The following GLYR1 variants were observed in gnomAD, a reference collection of about 807,000 sequenced individuals.
GLYR1 encodes the protein glyoxylate reductase 1 homolog.
Under a neutral mutation model 72.7 loss-of-function variants are expected in GLYR1, and 21 were observed. The observed-to-expected ratio is 0.29, with a 90% CI of 0.20 to 0.42. The LOEUF (loss-of-function observed/expected upper bound fraction) is 0.42, where lower values mean the gene tolerates loss of function less well. Among genes scored for constraint, GLYR1 ranks in the 10% least tolerant of loss-of-function variants. The pLI is 1.00. For synonymous variants in GLYR1, 392 were observed against 270.2 expected, an observed-to-expected ratio of 1.45 and a Z score of -4.42; for missense variants, 594 against 712.1, an observed-to-expected ratio of 0.83 and a Z score of 1.89.
chr16:4,846,445 A>G (rs866418489), intron 1 of GLYR1, among the ~76,000 whole-genome samples: 1 of 152,260 alleles, frequency 6.6e-6, no homozygotes, highest in Admixed American at 6.5e-5. Flanking sequence ...CACAACTGTC[A>G]AAAGTCACTT....
At chr16:4,808,406 G>A (rs373933539) in intron 15 of GLYR1, among the ~76,000 whole-genome samples, 43 of 152,164 alleles carry the variant, frequency 2.8e-4, no homozygotes, top group African/African-American at 1.0e-3. Context: ...AGACCAACCT[G>A]GCCAACATGG....
chr16:4,846,107 G>C (rs1289695214), intron 2 of GLYR1, 67 bp downstream of exon 2: 1 of 1,511,546 alleles, frequency 6.6e-7, no homozygotes, highest in Non-Finnish European at 9.2e-7. Flanking sequence ...TGAGAGGAAT[G>C]CATCTTACAT....
In GLYR1 at chr16:4,803,639, A is replaced by C. The variant is rs1244954216; in HGVS notation, c.*1597T>G. 1.3e-5 allele frequency: 2 copies of C among 151,874 alleles called. No individual in the cohort carries two copies. Among genetic ancestry groups the C allele is most frequent in the Admixed American group, 1.3e-4 (2 of 15,206 alleles). The allele number at this position is 151,874 out of a possible 1,614,324, so 9.4% of individuals were successfully genotyped here. On this transcript the variant is annotated 3_prime_UTR_variant, in exon 16 of 16. Coordinates refer to ENST00000321919, the MANE Select transcript of GLYR1 (RefSeq NM_032569.4). Reference sequence around the variant, plus strand: ...TTTGTGTTCAGACAGAAATGCTTCAAAATCCCAGTGAAATGAACTGTGCTA... The same window carrying C: ...TTTGTGTTCAGACAGAAATGCTTCACAATCCCAGTGAAATGAACTGTGCTA...
At position 4,812,303 on chromosome 16, in the gene GLYR1, G is replaced by A. The variant is rs147347058; in HGVS notation, c.1120-55C>T. 2,304 of 1,568,092 alleles carry A rather than the reference G, an allele frequency of 1.5e-3. 8 individuals are homozygous for A. The highest frequency in any genetic ancestry group is 1.8e-3 in the Non-Finnish European group (2,071 of 1,161,992). ...CCTCCCCTCTCCCAGCGCTCTCTGG[G>A]CAGGACTCAAGGAGTGTTGCTGAGT... On this transcript the variant is annotated intron_variant, in intron 12 of 15. Transcript: ENST00000321919.
intron 3 of GLYR1, among the ~76,000 whole-genome samples, chr16:4,837,937 AAATAAATAAAT>A (rs2085264411): frequency 1.5e-5 from 1 of 66,012 alleles, no homozygotes; most frequent in Non-Finnish European, 3.0e-5. Context: ...CTCAAAAAAT[AAATAAATAAAT>A]AAATAAATAA....
chr16:4,811,620 C>T lies in GLYR1; in HGVS notation c.1462+3G>A. 6.2e-7 allele frequency: 1 copy of T among 1,613,608 alleles called. No individual in the cohort carries two copies. Among genetic ancestry groups the T allele is most frequent in the African/African-American group, 1.3e-5 (1 of 75,058 alleles). On this transcript the variant is annotated splice_donor_region_variant and intron_variant, in intron 14 of 15. Coordinates refer to ENST00000321919, the MANE Select transcript of GLYR1 (RefSeq NM_032569.4). ...GCAAGAAGAGGGGCCAAAAACAACT[C>T]ACTTTGGCACTTCTGGTCCAGGAAG...
At chr16:4,817,311 G>T (rs2083706577) in intron 10 of GLYR1, among the ~76,000 whole-genome samples, 1 of 151,816 alleles carries the variant, frequency 6.6e-6, no homozygotes, top group Admixed American at 6.6e-5. Context: ...AGTAGAGACG[G>T]GGTTTCACCG....
chr16:4,813,341 G>A (rs2083436824), intron 12 of GLYR1, among the ~76,000 whole-genome samples: 1 of 152,174 alleles, frequency 6.6e-6, no homozygotes, highest in Non-Finnish European at 1.5e-5. Context: ...CTCCCCTGTG[G>A]ATGCTGCCCT....
At chr16:4,821,524 G>T in intron 8 of GLYR1, 23 bp downstream of exon 8, 1 of 1,613,780 alleles carries the variant, frequency 6.2e-7, no homozygotes. Flanking sequence ...AAATTAAAAT[G>T]GGGAGGCATG....
chr16:4,829,461 A>G (rs1243720788), intron 5 of GLYR1, among the ~76,000 whole-genome samples: 1 of 151,636 alleles, frequency 6.6e-6, no homozygotes, highest in African/African-American at 2.4e-5. Context: ...GTGTACCACT[A>G]TGCCCAACTA....
At chr16:4,817,505 C>A in intron 10 of GLYR1, 93 bp downstream of exon 10, 1 of 753,242 alleles carries the variant, frequency 1.3e-6, no homozygotes, top group Non-Finnish European at 2.3e-6. Context: ...TATTCTATTG[C>A]ACGCAGAACG....
chr16:4,809,611 C>CAAA (rs1245851187), intron 15 of GLYR1, among the ~76,000 whole-genome samples: 4 of 80,232 alleles, frequency 5.0e-5, no homozygotes, highest in Non-Finnish European at 7.5e-5. Flanking sequence ...AACTCCGTCT[C>CAAA]AAAAAAAAAA....
intron 3 of GLYR1, chr16:4,843,755 G>T: frequency 1.5e-6 from 1 of 661,570 alleles, no homozygotes; most frequent in Non-Finnish European, 2.1e-6. Flanking sequence ...TCAAATCTAA[G>T]GCTGTATTTT....
intron 6 of GLYR1, 48 bp from the exon 7 acceptor site, chr16:4,822,979 G>A: frequency 6.6e-7 from 1 of 1,504,462 alleles, no homozygotes. Context: ...GCCACCAAAG[G>A]TCACTTCCTT....
At chr16:4,831,512 G>C (rs1224537716) in intron 5 of GLYR1, among the ~76,000 whole-genome samples, 2 of 152,184 alleles carry the variant, frequency 1.3e-5, no homozygotes, top group Non-Finnish European at 2.9e-5. Flanking sequence ...CACACGGGCT[G>C]TGCCCTCCAT....
chr16:4,821,058 C>T, intron 9 of GLYR1: 1 of 427,380 alleles, frequency 2.3e-6, no homozygotes, highest in Non-Finnish European at 4.3e-6. Flanking sequence ...TGGGCCCCAC[C>T]CGGACATATT....
intron 9 of GLYR1, among the ~76,000 whole-genome samples, chr16:4,818,102 C>A (rs1166213124): frequency 1.3e-5 from 2 of 151,646 alleles, no homozygotes; most frequent in East Asian, 1.9e-4. Context: ...TCAAGCGATT[C>A]TCCTGCCTCA....
intron 4 of GLYR1, 120 bp from the exon 5 acceptor site, chr16:4,832,341 T>C (rs2084854654): frequency 8.4e-7 from 1 of 1,196,660 alleles, no homozygotes. Context: ...ACAATGACCC[T>C]AGAAATAGAT....
At position 4,844,366 on chromosome 16, in the gene GLYR1, A is replaced by G. The variant is rs190423027; in HGVS notation, c.155+708T>C. 2.7e-3 allele frequency among the ~76,000 whole-genome samples: 411 copies of G among 152,358 alleles called. 3 individuals carry two copies. Among genetic ancestry groups the G allele is most frequent in the African/African-American group, 9.4e-3 (390 of 41,584 alleles). On this transcript the variant is annotated intron_variant, in intron 3 of 15. Coordinates refer to ENST00000321919, the MANE Select transcript of GLYR1 (RefSeq NM_032569.4). Reference sequence around the variant, plus strand: ...AAATCACTTAGTTTTACACATGAGAACATGATTGAACAATTACTTTTATTA... The same window carrying G: ...AAATCACTTAGTTTTACACATGAGAGCATGATTGAACAATTACTTTTATTA...
Sources: allele counts gnomAD v4.1 joint callset (sites outside exome capture counted in the v4.1 genomes callset), GRCh38; gene constraint gnomAD v4.1.1; transcripts MANE v1.5; gene names NCBI Gene and HGNC (gene_info 2026-07-23, HGNC 2026-07-21).